Variants in PALLD observed in about 807,000 individuals in gnomAD.
PALLD encodes the protein palladin.
In PALLD, 61 loss-of-function variants were observed where a neutral mutation model predicts 123.5. That is an observed-to-expected ratio of 0.49 (90% confidence interval 0.40 to 0.61). The LOEUF (loss-of-function observed/expected upper bound fraction) is 0.61. Ranked by LOEUF, PALLD falls within the 20% of genes least tolerant of loss-of-function variation. The pLI is 0.00. For synonymous variants in PALLD, 465 were observed against 496.4 expected (o/e 0.94, Z 0.84); for missense variants, 1,273 against 1,377.0 (o/e 0.92, Z 1.20).
At chr4:168,541,104 A>G (rs1163186816) in intron 2 of PALLD, among the ~76,000 whole-genome samples, 1 of 152,230 alleles carries the variant, frequency 6.6e-6, no homozygotes, top group African/African-American at 2.4e-5. Flanking sequence ...ACAATGGAAA[A>G]TGTGGCACAA....
chr4:168,685,675 AC>A, intron 6 of PALLD, 116 bp downstream of exon 6: 1 of 777,668 alleles, frequency 1.3e-6, no homozygotes, highest in Non-Finnish European at 2.3e-6. Flanking sequence ...TAGGCTGATT[AC>A]CATGGTTACC....
chr4:168,632,903 C>T (rs1474423317), intron 2 of PALLD, among the ~76,000 whole-genome samples: 1 of 152,158 alleles, frequency 6.6e-6, no homozygotes, highest in African/African-American at 2.4e-5. Flanking sequence ...TCACCTTTCA[C>T]TTCACTGGCA....
chr4:168,785,690 T>A (rs1736609410), intron 10 of PALLD, among the ~76,000 whole-genome samples: 1 of 151,480 alleles, frequency 6.6e-6, no homozygotes, highest in South Asian at 2.1e-4. Context: ...TTTGGCGTAC[T>A]TACCCCGTTA....
chr4:168,754,890 A>G (rs544504987), intron 10 of PALLD, among the ~76,000 whole-genome samples: 2 of 152,348 alleles, frequency 1.3e-5, no homozygotes, highest in South Asian at 4.1e-4. Context: ...GACAGTTAAT[A>G]GGAAAACAAG....
chr4:168,570,570 T>G (rs1389622538), intron 2 of PALLD, among the ~76,000 whole-genome samples: 6 of 152,282 alleles, frequency 3.9e-5, no homozygotes, highest in African/African-American at 1.4e-4. Context: ...CCAATTGCAC[T>G]TTTCCATGTT....
intron 10 of PALLD, among the ~76,000 whole-genome samples, chr4:168,759,230 TATATATATATATATAG>T (rs1480308741): frequency 2.2e-4 from 17 of 76,302 alleles, no homozygotes; most frequent in African/African-American, 8.7e-4. Context: ...TATATATATA[TATATATATATATATAG>T]AAACAATATA....
chr4:168,642,449 T>C (rs1175897208), intron 2 of PALLD, among the ~76,000 whole-genome samples: 2 of 152,234 alleles, frequency 1.3e-5, no homozygotes, highest in Non-Finnish European at 2.9e-5. Flanking sequence ...TTGCCCAGGC[T>C]GGAGTGAAGT....
intron 8 of PALLD, among the ~76,000 whole-genome samples, chr4:168,695,646 G>A (rs1032772949): frequency 2.0e-5 from 3 of 152,140 alleles, no homozygotes; most frequent in African/African-American, 7.2e-5. Flanking sequence ...ATGAAATGAG[G>A]CTGGCTCATC....
At chr4:168,594,710 A>T (rs1014697136) in intron 2 of PALLD, among the ~76,000 whole-genome samples, 1 of 152,176 alleles carries the variant, frequency 6.6e-6, no homozygotes, top group Non-Finnish European at 1.5e-5. Context: ...TCAACTACAC[A>T]TTCAATAACT....
At chr4:168,899,951 C>T (rs1010421748) in intron 14 of PALLD, among the ~76,000 whole-genome samples, 2 of 151,928 alleles carry the variant, frequency 1.3e-5, no homozygotes, top group African/African-American at 4.8e-5. Context: ...ATAGGCTTTA[C>T]TGGCTCACAG....
intron 10 of PALLD, among the ~76,000 whole-genome samples, chr4:168,761,645 G>GTTTGTTTTTTTT (rs1561493717): frequency 2.3e-5 from 2 of 88,020 alleles, no homozygotes; most frequent in Admixed American, 1.6e-4. Context: ...GTTGTTGTTT[G>GTTTGTTTTTTTT]TTTTTTTTTT....
intron 21 of PALLD, 139 bp downstream of exon 21, chr4:168,925,417 T>C: frequency 1.4e-6 from 1 of 733,270 alleles, no homozygotes; most frequent in Non-Finnish European, 2.5e-6. Flanking sequence ...TTTTCACATG[T>C]TCTTGTTACT....
rs1238226113 is a variant in PALLD, at chr4:168,869,957, G to GA, written c.1965-20964dup. On this transcript the variant is annotated intron_variant, in intron 10 of 21. Transcript: ENST00000505667. The surrounding 1 kb of genome is among the most constrained non-coding windows in gnomAD (Gnocchi z 4.5). ...ACAGTCCCAGAAGTAAGAGAACAAG[G>GA]AGAGTTGTTAGTGATGTCAAGGGAG... 6.6e-6 allele frequency among the ~76,000 whole-genome samples: 1 copy of GA among 152,186 alleles called. No individual in the cohort carries two copies.
intron 10 of PALLD, among the ~76,000 whole-genome samples, chr4:168,729,375 G>A (rs1786925715): frequency 6.6e-6 from 1 of 151,806 alleles, no homozygotes; most frequent in Non-Finnish European, 1.5e-5. Flanking sequence ...TGTTGCCCAG[G>A]CTGGTCTTGA....
In PALLD at chr4:168,924,504, T is replaced by C. The variant is rs1158157253; in HGVS notation, c.3224+84T>C. ...AGATACATTTTATATAGCATGGAAA[T>C]CTATGTGTAAAAGCCACATAGATGT... On this transcript the variant is annotated intron_variant, in intron 19 of 21. Transcript: ENST00000505667. The C allele has an allele frequency of 1.0e-5, 13 of 1,302,792 alleles. No individual in the cohort carries two copies. The Admixed American group carries it at 2.2e-4, about 22-fold the overall frequency. 80.7% of individuals were successfully genotyped at this position (1,302,792 alleles called of 1,614,324 possible). A position where few individuals can be genotyped will look rare whatever the true frequency, so the allele number is the denominator to read the frequency against.
At chr4:168,547,433 C>A (rs972843096) in intron 2 of PALLD, among the ~76,000 whole-genome samples, 12 of 151,820 alleles carry the variant, frequency 7.9e-5, no homozygotes, top group African/African-American at 2.7e-4. Context: ...TGAAGATCTC[C>A]TTCCAGGCCA....
chr4:168,851,910 C>A (rs1747847561), intron 10 of PALLD, among the ~76,000 whole-genome samples: 1 of 152,158 alleles, frequency 6.6e-6, no homozygotes, highest in Non-Finnish European at 1.5e-5. Context: ...CAACAACTTG[C>A]TGTTGAGGAC....
At chr4:168,826,939 C>T (rs947781028) in intron 10 of PALLD, among the ~76,000 whole-genome samples, 1 of 152,174 alleles carries the variant, frequency 6.6e-6, no homozygotes, top group Non-Finnish European at 1.5e-5. Context: ...AGCCCCCTCC[C>T]GACTCTGATT....
chr4:168,816,179 A>G (rs1048948477), intron 10 of PALLD, among the ~76,000 whole-genome samples: 3 of 152,112 alleles, frequency 2.0e-5, no homozygotes, highest in Non-Finnish European at 2.9e-5. Context: ...TCTTTCTTAA[A>G]TAGGGAATGC....
Sources: gnomAD v4.1 joint callset for allele counts (sites outside exome capture counted in the v4.1 genomes callset) on GRCh38, gnomAD v4.1.1 for gene constraint, Gnocchi (gnomAD v3.1) non-coding constraint, MANE v1.5 for transcripts, NCBI Gene and HGNC (gene_info 2026-07-23, HGNC 2026-07-21) for gene names.